The following LGALS8 variants were observed in gnomAD, a reference collection of about 807,000 sequenced individuals.
LGALS8 encodes the protein galectin-8.
LGALS8 carries 30 observed loss-of-function variants against 35.9 expected under a neutral mutation model. The ratio of observed to expected loss-of-function variants is 0.83; its 90% CI spans 0.62 to 1.13. LGALS8 has a LOEUF of 1.13. Ranked by LOEUF, LGALS8 falls within the 50% of genes most tolerant of loss-of-function variation. LGALS8 has a pLI of 0.00. For missense variants in LGALS8, 366 were observed against 388.7 expected (o/e 0.94, Z 0.49); for synonymous variants, 138 against 136.1 (o/e 1.01, Z -0.10).
rs1662536111 is a variant in LGALS8 at position 236,548,279 on chromosome 1, C to A, written c.*118C>A. 3 of 962,678 alleles carry A rather than the reference C, an allele frequency of 3.1e-6. No homozygotes were observed. The South Asian group carries it at 5.0e-5, about 16-fold the overall frequency. 59.6% of individuals were successfully genotyped at this position (962,678 alleles called of 1,614,324 possible). ...TATATTGTTAAAATGAGCTTGTGCA[C>A]CATTAGGTCCTGCTGGGTGTTCTCA... is the stretch of plus-strand genomic sequence containing the variant. On this transcript the variant is annotated 3_prime_UTR_variant, in exon 10 of 10. Transcript: ENST00000366584.
At chr1:236,529,190 T>C (rs150996395) in intron 2 of LGALS8, among the ~76,000 whole-genome samples, 4,325 of 152,178 alleles carry the variant, frequency 0.028, 94 homozygotes, top group East Asian at 0.088. Context: ...GGTGGGAGGA[T>C]TGCTTGAGCC....
rs1662697004 is a variant in LGALS8, at chr1:236,550,844, TA to T, written c.*2688del. On this transcript the variant is annotated 3_prime_UTR_variant, in exon 10 of 10. Coordinates refer to ENST00000366584, the MANE Select transcript of LGALS8 (RefSeq NM_201544.4). ...TAACATGGCACCCAACACCCAAAAA[TA>T]AAAATATGAAATATGAGTGTGAACT... 7.3e-7 allele frequency: 1 copy of T among 1,372,704 alleles called. No homozygotes were observed. Among genetic ancestry groups the T allele is most frequent in the Non-Finnish European group, 1.0e-6 (1 of 995,102 alleles). The allele number at this position is 1,372,704 out of a possible 1,614,324, so 85.0% of individuals were successfully genotyped here.
In LGALS8 at chr1:236,550,623, A is replaced by C. The variant is rs1190463199; in HGVS notation, c.*2462A>C. Reference sequence around the variant, plus strand: ...TAACAAGTCTAATATTATTACCATCAATCAGGAAGAGAATAATAAATGTTT... The same window carrying C: ...TAACAAGTCTAATATTATTACCATCCATCAGGAAGAGAATAATAAATGTTT... On this transcript the variant is annotated 3_prime_UTR_variant, in exon 10 of 10. Transcript: ENST00000366584. 1 of 347,002 alleles carries C rather than the reference A, an allele frequency of 2.9e-6. No individual in the cohort carries two copies. The highest frequency in any genetic ancestry group is 5.2e-6 in the Non-Finnish European group (1 of 192,958). The allele number at this position is 347,002 out of a possible 1,614,324, so 21.5% of individuals were successfully genotyped here. A position where few individuals can be genotyped will look rare whatever the true frequency, so the allele number is the denominator to read the frequency against.
rs1331363015 is a variant in LGALS8 at position 236,552,123 on chromosome 1, G to C, written c.*3962G>C. 5 of 1,527,330 alleles carry C rather than the reference G, an allele frequency of 3.3e-6. No individual in the cohort carries two copies. The highest frequency in any genetic ancestry group is 1.1e-5 in the South Asian group (1 of 88,772). The allele number at this position is 1,527,330 out of a possible 1,614,324, so 94.6% of individuals were successfully genotyped here. A position where few individuals can be genotyped will look rare whatever the true frequency, so the allele number is the denominator to read the frequency against. ...CAAATCGAACCTGAAAGGGATAAAA[G>C]AGCAAAGAAATAAAAAGTAGTGTTA... On this transcript the variant is annotated 3_prime_UTR_variant, in exon 10 of 10. Transcript: ENST00000366584.
intron 2 of LGALS8, among the ~76,000 whole-genome samples, chr1:236,527,663 T>G (rs1396750575): frequency 3.3e-5 from 5 of 149,698 alleles, no homozygotes; most frequent in Non-Finnish European, 5.9e-5. Flanking sequence ...TTCTCTCATT[T>G]GTAGCTAGTT....
chr1:236,547,066 C>T (rs1445208482), intron 9 of LGALS8, among the ~76,000 whole-genome samples: 4 of 152,172 alleles, frequency 2.6e-5, no homozygotes, highest in Admixed American at 6.5e-5. Context: ...AGGTTTTGTG[C>T]TTCATTCTGG....
rs1484687368 is a variant in LGALS8, at chr1:236,551,119, A to G, written c.*2958A>G. The G allele has an allele frequency of 4.0e-6, 3 of 744,020 alleles. No individual in the cohort carries two copies. The highest frequency in any genetic ancestry group is 4.2e-6 in the Non-Finnish European group (2 of 474,398). The allele number at this position is 744,020 out of a possible 1,614,324, so 46.1% of individuals were successfully genotyped here. On this transcript the variant is annotated 3_prime_UTR_variant, in exon 10 of 10. Transcript: ENST00000366584. ...CAATCAAAAGAGTGAAATGAAGCACATTAACAAAGCAGGAGGCGCCACGGA... is the reference window on the plus strand; with the variant it reads ...CAATCAAAAGAGTGAAATGAAGCACGTTAACAAAGCAGGAGGCGCCACGGA...
chr1:236,523,521 C>A (rs925444692), upstream of LGALS8: 1 of 156,528 alleles, frequency 6.4e-6, no homozygotes, highest in Admixed American at 6.1e-5. Flanking sequence ...GGAAGGCCAG[C>A]GCTTGGTCCA....
chr1:236,541,238 G>A (rs1312626139), intron 5 of LGALS8: 1 of 169,514 alleles, frequency 5.9e-6, no homozygotes, highest in Non-Finnish European at 1.2e-5. Context: ...TACAGCCTAG[G>A]TGTGTAGTTG....
At position 236,549,062 on chromosome 1, in the gene LGALS8, T is replaced by C. The variant is rs1045148139; in HGVS notation, c.*901T>C. ...TAAGGTCAGGATTAGACTTCAGGCA[T>C]TCATAAGGCAGGCACTATCAGAAAG... On this transcript the variant is annotated 3_prime_UTR_variant, in exon 10 of 10. Coordinates refer to ENST00000366584, the MANE Select transcript of LGALS8 (RefSeq NM_201544.4). The C allele has an allele frequency of 7.5e-6, 3 of 398,384 alleles. No homozygotes were observed. The highest frequency in any genetic ancestry group is 6.2e-5 in the African/African-American group (3 of 48,624). The allele number at this position is 398,384 out of a possible 1,614,324, so 24.7% of individuals were successfully genotyped here. A position where few individuals can be genotyped will look rare whatever the true frequency, so the allele number is the denominator to read the frequency against.
At chr1:236,540,536 G>T in intron 4 of LGALS8, 28 bp from the exon 5 acceptor site, 1 of 1,515,148 alleles carries the variant, frequency 6.6e-7, no homozygotes, top group Non-Finnish European at 8.8e-7. Context: ...TGGTGGCGGG[G>T]GGGGCTCTGT....
At chr1:236,544,696 T>C in intron 8 of LGALS8, 54 bp from the exon 9 acceptor site, 2 of 1,417,854 alleles carry the variant, frequency 1.4e-6, no homozygotes, top group East Asian at 2.3e-5. Context: ...AAATTGCCAC[T>C]ACTCTGTCCT....
chr1:236,522,801 A>T (rs552119800), upstream of LGALS8, among the ~76,000 whole-genome samples: 16 of 152,314 alleles, frequency 1.1e-4, no homozygotes, highest in Admixed American at 5.2e-4. Flanking sequence ...ACCTATTCAG[A>T]TTGGATCTTG....
In LGALS8 at chr1:236,544,855, C is replaced by T; in HGVS notation, c.744C>T (p.Ser248=). The change falls in exon 9 of 10, where the codon TCC becomes TCT. Residue 248 remains serine, a synonymous_variant. Coordinates refer to ENST00000366584, the MANE Select transcript of LGALS8 (RefSeq NM_201544.4). ...AFVRNSFLQE[S]WGEEERNITS... ...TAAGAAATTCTTTTCTTCAGGAGTC[C>T]TGGGGAGAAGAAGAGAGAAATATTA... 1 of 1,613,748 alleles carries T rather than the reference C, an allele frequency of 6.2e-7. No individual in the cohort carries two copies.
intron 3 of LGALS8, among the ~76,000 whole-genome samples, chr1:236,537,922 A>ACC (rs71748899): frequency 0.021 from 2,843 of 137,254 alleles, 113 homozygotes; most frequent in African/African-American, 0.071. Flanking sequence ...ACATAGTGAG[A>ACC]CCCCCCATCT....
At chr1:236,529,758 C>T (rs1210066482) in intron 2 of LGALS8, among the ~76,000 whole-genome samples, 4 of 150,302 alleles carry the variant, frequency 2.7e-5, no homozygotes, top group African/African-American at 9.8e-5. Context: ...TAGCAATTCT[C>T]CTGCCTCAGC....
Position 236,550,994 on chromosome 1 carries a change from A to T in LGALS8, c.*2833A>T, listed in dbSNP as rs1367790287. On this transcript the variant is annotated 3_prime_UTR_variant, in exon 10 of 10. Transcript: ENST00000366584. ...TGTTCTACTTCTTCACATTCATCTA[A>T]AAAAAAAAAAAAAAAATCAAAATTA... 9.3e-6 allele frequency: 11 copies of T among 1,188,418 alleles called. No homozygotes were observed. The highest frequency in any genetic ancestry group is 5.5e-5 in the Admixed American group (2 of 36,548). 73.6% of individuals were successfully genotyped at this position (1,188,418 alleles called of 1,614,324 possible).
Position 236,551,982 on chromosome 1 carries a change from A to G in LGALS8, c.*3821A>G. 6.9e-7 allele frequency: 1 copy of G among 1,458,810 alleles called. No individual in the cohort carries two copies. Among genetic ancestry groups the G allele is most frequent in the Non-Finnish European group, 9.6e-7 (1 of 1,040,870 alleles). The allele number at this position is 1,458,810 out of a possible 1,614,324, so 90.4% of individuals were successfully genotyped here. A position where few individuals can be genotyped will look rare whatever the true frequency, so the allele number is the denominator to read the frequency against. On this transcript the variant is annotated 3_prime_UTR_variant, in exon 10 of 10. Coordinates refer to ENST00000366584, the MANE Select transcript of LGALS8 (RefSeq NM_201544.4). ...ATTCCTTAATTGTTTAATGGTTGGG[A>G]ATAGTTTGGGAATTACCTTCCATCA...
chr1:236,550,194 A>T lies in LGALS8; in HGVS notation c.*2033A>T, dbSNP rs1662661471. 6.6e-6 allele frequency: 1 copy of T among 152,184 alleles called. No individual in the cohort carries two copies. The allele number at this position is 152,184 out of a possible 1,614,324, so 9.4% of individuals were successfully genotyped here. A position where few individuals can be genotyped will look rare whatever the true frequency, so the allele number is the denominator to read the frequency against. ...ACCAATGGAACTGGGTTCATTCTGAATCCTGGAGGAGCTTCCTCGTGCCAC... is the reference window on the plus strand; with the variant it reads ...ACCAATGGAACTGGGTTCATTCTGATTCCTGGAGGAGCTTCCTCGTGCCAC... On this transcript the variant is annotated 3_prime_UTR_variant, in exon 10 of 10. Coordinates refer to ENST00000366584, the MANE Select transcript of LGALS8 (RefSeq NM_201544.4).
Sources: gnomAD v4.1 joint callset for allele counts (sites outside exome capture counted in the v4.1 genomes callset) on GRCh38, gnomAD v4.1.1 for gene constraint, MANE v1.5 for transcripts, NCBI Gene and HGNC (gene_info 2026-07-23, HGNC 2026-07-21) for gene names.